PLEKHM3: variants seen among roughly 807,000 people sequenced by gnomAD.
The protein encoded by PLEKHM3 is pleckstrin homology domain-containing family M member 3.
PLEKHM3 carries 45 observed loss-of-function variants against 81.8 expected under a neutral mutation model. The ratio of observed to expected loss-of-function variants is 0.55; its 90% CI spans 0.43 to 0.71. The LOEUF is 0.71. PLEKHM3 is among the 30% of genes least tolerant of loss of function. The pLI, the probability that PLEKHM3 is intolerant of heterozygous loss-of-function variation, is 0.00. For missense variants in PLEKHM3, 788 were observed against 924.3 expected, an observed-to-expected ratio of 0.85 and a Z score of 1.91; for synonymous variants, 352 against 356.4, an observed-to-expected ratio of 0.99 and a Z score of 0.14.
Position 207,828,339 on chromosome 2 carries a change from G to A in PLEKHM3, c.2266C>T (p.Leu756=). ...SLEEACTMFE[L]SYQNT Reference sequence around the variant, plus strand: ...TGGAGTCAGGTGTTCTGGTAGGACAGCTCGAACATGGTGCAAGCCTCCTCT... The same window carrying A: ...TGGAGTCAGGTGTTCTGGTAGGACAACTCGAACATGGTGCAAGCCTCCTCT... Residue 756 remains leucine, a synonymous_variant, in exon 8 of 8, where the codon CTG becomes TTG. Coordinates refer to ENST00000427836, the MANE Select transcript of PLEKHM3 (RefSeq NM_001080475.3). 1 of 1,613,314 alleles carries A rather than the reference G, an allele frequency of 6.2e-7. No homozygotes were observed. Among genetic ancestry groups the A allele is most frequent in the South Asian group, 1.1e-5 (1 of 90,964 alleles).
intron 6 of PLEKHM3, among the ~76,000 whole-genome samples, chr2:207,871,918 T>C (rs1380881255): frequency 6.6e-6 from 1 of 152,234 alleles, no homozygotes; most frequent in African/African-American, 2.4e-5. Context: ...ATGTTTGAAA[T>C]AAATCTGATT....
chr2:208,022,043 T>A (rs1446767538), intron 1 of PLEKHM3, among the ~76,000 whole-genome samples: 1 of 152,234 alleles, frequency 6.6e-6, no homozygotes, highest in Non-Finnish European at 1.5e-5. Context: ...TTCCTTTGGA[T>A]GGACCCTAGA....
At chr2:207,876,178 C>A (rs961242317) in intron 6 of PLEKHM3, among the ~76,000 whole-genome samples, 1 of 152,134 alleles carries the variant, frequency 6.6e-6, no homozygotes, top group Admixed American at 6.5e-5. Context: ...CGATCCTCTG[C>A]CTTAGCCTCT....
chr2:207,906,549 G>C (rs1688616670), intron 6 of PLEKHM3, among the ~76,000 whole-genome samples: 1 of 152,192 alleles, frequency 6.6e-6, no homozygotes, highest in South Asian at 2.1e-4. Context: ...AGCTCTTTGG[G>C]AGGCTGAGGC....
intron 7 of PLEKHM3, among the ~76,000 whole-genome samples, chr2:207,856,647 C>T (rs1228562481): frequency 6.6e-6 from 1 of 152,178 alleles, no homozygotes; most frequent in African/African-American, 2.4e-5. Context: ...TGACAGCTCA[C>T]TTCTTTTGTG....
At chr2:207,923,499 C>T (rs1192724829) in intron 5 of PLEKHM3, among the ~76,000 whole-genome samples, 17 of 151,678 alleles carry the variant, frequency 1.1e-4, no homozygotes, top group East Asian at 2.0e-4. Context: ...CCCAGCTACT[C>T]GGGAGGCTGA....
At chr2:207,828,552 T>A (rs1162705414) in intron 7 of PLEKHM3, 56 bp from the exon 8 acceptor site, 1 of 1,554,708 alleles carries the variant, frequency 6.4e-7, no homozygotes, top group Non-Finnish European at 8.7e-7. Flanking sequence ...AAGACACAAA[T>A]GGGAAGCCCT....
At chr2:207,940,964 A>C (rs943279568) in intron 4 of PLEKHM3, among the ~76,000 whole-genome samples, 20 of 152,222 alleles carry the variant, frequency 1.3e-4, no homozygotes, top group Admixed American at 9.2e-4. Context: ...CATATTTCAT[A>C]ACTTCATTTT....
chr2:207,936,756 G>A (rs1689767001), intron 4 of PLEKHM3, among the ~76,000 whole-genome samples: 1 of 151,750 alleles, frequency 6.6e-6, no homozygotes. Context: ...TCAATATTAT[G>A]TAAAAAGTTA....
chr2:207,921,186 C>T (rs751182230), intron 5 of PLEKHM3, among the ~76,000 whole-genome samples: 11 of 152,032 alleles, frequency 7.2e-5, no homozygotes, highest in Non-Finnish European at 7.4e-5. Flanking sequence ...GTAGCTGGGA[C>T]TACAGGTGCA....
chr2:208,002,135 A>G (rs537881197), intron 1 of PLEKHM3, among the ~76,000 whole-genome samples, 178 bp from the exon 2 acceptor site: 1 of 152,352 alleles, frequency 6.6e-6, no homozygotes, highest in South Asian at 2.1e-4. Flanking sequence ...CGCTTTGGAT[A>G]AAAACTTACA....
At chr2:207,903,986 A>T (rs1018191258) in intron 6 of PLEKHM3, among the ~76,000 whole-genome samples, 1 of 152,336 alleles carries the variant, frequency 6.6e-6, no homozygotes, top group South Asian at 2.1e-4. Flanking sequence ...TATTCTATTT[A>T]TCCTTCTCAA....
At chr2:207,950,792 G>C (rs1574436157) in intron 3 of PLEKHM3, among the ~76,000 whole-genome samples, 1 of 152,160 alleles carries the variant, frequency 6.6e-6, no homozygotes, top group Admixed American at 6.5e-5. Context: ...TAGGTACTTA[G>C]TCAATTTCTA....
intron 6 of PLEKHM3, among the ~76,000 whole-genome samples, chr2:207,883,988 A>G (rs1687795920): frequency 2.0e-5 from 3 of 152,292 alleles, no homozygotes; most frequent in South Asian, 4.1e-4. Flanking sequence ...ACAAAATCTA[A>G]TACCCTTCTT....
chr2:207,985,905 G>A (rs1234554753), intron 2 of PLEKHM3, among the ~76,000 whole-genome samples: 4 of 151,398 alleles, frequency 2.6e-5, no homozygotes, highest in Non-Finnish European at 4.4e-5. Flanking sequence ...GGAGAATGGC[G>A]TGAACCTGGG....
intron 3 of PLEKHM3, among the ~76,000 whole-genome samples, chr2:207,959,060 C>A (rs1383310349): frequency 6.6e-6 from 1 of 152,056 alleles, no homozygotes; most frequent in African/African-American, 2.4e-5. Flanking sequence ...ATATTTTGTT[C>A]ATCATGGACT....
chr2:207,946,076 A>C (rs771600997), intron 4 of PLEKHM3, among the ~76,000 whole-genome samples: 5 of 152,226 alleles, frequency 3.3e-5, no homozygotes, highest in Non-Finnish European at 5.9e-5. Context: ...GTTGAAGATA[A>C]GATCAAATAA....
intron 6 of PLEKHM3, among the ~76,000 whole-genome samples, chr2:207,892,578 C>A (rs1014252762): frequency 6.6e-6 from 1 of 152,128 alleles, no homozygotes; most frequent in Non-Finnish European, 1.5e-5. Flanking sequence ...CCCTCTCCAC[C>A]CTTGACAGAT....
chr2:207,948,700 C>T (rs1017497380), intron 3 of PLEKHM3, among the ~76,000 whole-genome samples: 3 of 152,228 alleles, frequency 2.0e-5, no homozygotes, highest in African/African-American at 4.8e-5. Context: ...CCCGCCACCA[C>T]GCCCGGCTAA....
Sources: allele counts gnomAD v4.1 joint callset (sites outside exome capture counted in the v4.1 genomes callset), GRCh38; gene constraint gnomAD v4.1.1; transcripts MANE v1.5; gene names NCBI Gene and HGNC (gene_info 2026-07-23, HGNC 2026-07-21).